ADAMTS19: variants seen among roughly 807,000 people sequenced by gnomAD.
ADAMTS19 encodes the protein ADAM metallopeptidase with thrombospondin type 1 motif 19.
Under a neutral mutation model 153.3 loss-of-function variants are expected in ADAMTS19, and 93 were observed. The ratio of observed to expected loss-of-function variants is 0.61; its 90% CI spans 0.51 to 0.72. The LOEUF (loss-of-function observed/expected upper bound fraction) is 0.72. Ranked by LOEUF, ADAMTS19 falls within the 30% of genes least tolerant of loss-of-function variation. ADAMTS19 has a pLI of 0.00. For synonymous variants in ADAMTS19, 600 were observed against 556.6 expected (o/e 1.08, Z -1.10); for missense variants, 1,482 against 1,552.1 (o/e 0.95, Z 0.76).
chr5:129,527,124 T>C (rs1212947931), intron 4 of ADAMTS19, among the ~76,000 whole-genome samples: 1 of 151,872 alleles, frequency 6.6e-6, no homozygotes, highest in African/African-American at 2.4e-5. Context: ...GTATCTATCA[T>C]GTTAGGGATG....
At position 129,624,493 on chromosome 5, in the gene ADAMTS19, A is replaced by G. The variant is rs190742821; in HGVS notation, c.1770+2145A>G. Among the ~76,000 whole-genome samples, 540 of 152,288 alleles carry G rather than the reference A, an allele frequency of 3.5e-3. 1 individual carries two copies. Among genetic ancestry groups the G allele is most frequent in the Non-Finnish European group, 6.3e-3 (430 of 68,014 alleles). ...GAAGTTACTATTATTTTAGGCAACA[A>G]AATAGGCTCTTTGTGGTCACTGTCA... On this transcript the variant is annotated intron_variant, in intron 10 of 22. Coordinates refer to ENST00000274487, the MANE Select transcript of ADAMTS19 (RefSeq NM_133638.6).
intron 9 of ADAMTS19, among the ~76,000 whole-genome samples, chr5:129,621,793 T>G (rs1351974319): frequency 6.6e-6 from 1 of 152,202 alleles, no homozygotes; most frequent in African/African-American, 2.4e-5. Context: ...CTGTTAATAT[T>G]CACCTGAGGA....
intron 8 of ADAMTS19, among the ~76,000 whole-genome samples, chr5:129,619,556 A>G (rs1751682415): frequency 2.0e-5 from 3 of 152,082 alleles, no homozygotes; most frequent in Admixed American, 6.6e-5. Context: ...AGAGCTGGAA[A>G]TTGTCTTATG....
chr5:129,645,949 C>T (rs549837258), intron 11 of ADAMTS19, among the ~76,000 whole-genome samples: 5 of 129,758 alleles, frequency 3.9e-5, no homozygotes, highest in African/African-American at 8.9e-5. Context: ...AGTGCAGTGG[C>T]GGGATCTCGG....
rs1581048128 is a variant in ADAMTS19 at position 129,532,847 on chromosome 5, C to T, written c.1328+4170C>T. Among the ~76,000 whole-genome samples the T allele has an allele frequency of 2.6e-5, 4 of 152,180 alleles. No individual in the cohort carries two copies. The South Asian group carries it at 8.3e-4, about 32-fold the overall frequency. Reference sequence around the variant, plus strand: ...GGTGTGGTGGCTCACGCCTGTAATCCCAGCAATTTGGGAGGCCTAGGCAGG... The same window carrying T: ...GGTGTGGTGGCTCACGCCTGTAATCTCAGCAATTTGGGAGGCCTAGGCAGG... On this transcript the variant is annotated intron_variant, in intron 6 of 22. Transcript: ENST00000274487.
At chr5:129,609,267 T>C (rs1751080890) in intron 8 of ADAMTS19, among the ~76,000 whole-genome samples, 1 of 152,184 alleles carries the variant, frequency 6.6e-6, no homozygotes, top group Non-Finnish European at 1.5e-5. Context: ...GAGCTTTGGA[T>C]AAATCAATCT....
chr5:129,545,204 C>T (rs1267876980), intron 6 of ADAMTS19, among the ~76,000 whole-genome samples: 2 of 151,756 alleles, frequency 1.3e-5, no homozygotes, highest in African/African-American at 2.4e-5. Context: ...TGGGGGAAAA[C>T]AGTTGATTTG....
intron 12 of ADAMTS19, 69 bp from the exon 13 acceptor site, chr5:129,648,729 C>A: frequency 2.3e-6 from 3 of 1,294,018 alleles, no homozygotes; most frequent in South Asian, 2.8e-5. Context: ...AATATAATGG[C>A]TTTTAATTTA....
chr5:129,565,625 T>C (rs1205175866), intron 7 of ADAMTS19, among the ~76,000 whole-genome samples: 1 of 152,200 alleles, frequency 6.6e-6, no homozygotes, highest in African/African-American at 2.4e-5. Flanking sequence ...TCTTTAAATG[T>C]TTTCCTTTTT....
At chr5:129,530,686 A>G (rs1225244899) in intron 6 of ADAMTS19, among the ~76,000 whole-genome samples, 1 of 152,124 alleles carries the variant, frequency 6.6e-6, no homozygotes, top group Non-Finnish European at 1.5e-5. Context: ...ACATATATCT[A>G]CAACTAATAT....
At chr5:129,618,023 C>A (rs933825051) in intron 8 of ADAMTS19, among the ~76,000 whole-genome samples, 2 of 151,932 alleles carry the variant, frequency 1.3e-5, no homozygotes, top group African/African-American at 2.4e-5. Context: ...GTCATCACAA[C>A]AAATCAGTCA....
chr5:129,600,151 T>C (rs968149933), intron 8 of ADAMTS19, among the ~76,000 whole-genome samples: 2 of 152,118 alleles, frequency 1.3e-5, no homozygotes, highest in African/African-American at 4.8e-5. Flanking sequence ...GTCTCTCTAG[T>C]AGGGAAAGTG....
intron 21 of ADAMTS19, among the ~76,000 whole-genome samples, chr5:129,704,933 G>A (rs1398977484): frequency 1.3e-5 from 2 of 152,122 alleles, no homozygotes; most frequent in Non-Finnish European, 1.5e-5. Flanking sequence ...TTTAATTCAC[G>A]ATAACAGTAA....
At chr5:129,501,222 A>T (rs1751094410) in intron 2 of ADAMTS19, among the ~76,000 whole-genome samples, 1 of 152,128 alleles carries the variant, frequency 6.6e-6, no homozygotes, top group Admixed American at 6.6e-5. Context: ...AAGGAAAAGG[A>T]AAAACAAAAA....
chr5:129,566,642 G>A (rs1054172056), intron 7 of ADAMTS19, among the ~76,000 whole-genome samples: 6 of 152,160 alleles, frequency 3.9e-5, no homozygotes, highest in African/African-American at 4.8e-5. Flanking sequence ...ACTAGGAGAA[G>A]CCCTCCCATT....
intron 7 of ADAMTS19, among the ~76,000 whole-genome samples, chr5:129,566,309 A>C (rs1280041524): frequency 6.6e-6 from 1 of 152,126 alleles, no homozygotes; most frequent in African/African-American, 2.4e-5. Context: ...GTTTTCTTTG[A>C]GTTATAAGAT....
chr5:129,695,247 C>A (rs1755502542), intron 19 of ADAMTS19, among the ~76,000 whole-genome samples: 1 of 152,102 alleles, frequency 6.6e-6, no homozygotes, highest in Non-Finnish European at 1.5e-5. Flanking sequence ...TGACCCAGAT[C>A]CCAGCAGAGC....
At chr5:129,545,543 A>G (rs1257411932) in intron 6 of ADAMTS19, among the ~76,000 whole-genome samples, 1 of 152,208 alleles carries the variant, frequency 6.6e-6, no homozygotes. Context: ...CTTTAAGTTG[A>G]AAATATACCA....
At chr5:129,677,340 G>A (rs1206402136) in intron 16 of ADAMTS19, among the ~76,000 whole-genome samples, 1 of 152,126 alleles carries the variant, frequency 6.6e-6, no homozygotes, top group Non-Finnish European at 1.5e-5. Flanking sequence ...GCTGGGGATG[G>A]TGGTGGCAGC....
Sources: allele counts gnomAD v4.1 joint callset (sites outside exome capture counted in the v4.1 genomes callset), GRCh38; gene constraint gnomAD v4.1.1; transcripts MANE v1.5; gene names NCBI Gene and HGNC (gene_info 2026-07-23, HGNC 2026-07-21).